METTL15: variants seen among roughly 807,000 people sequenced by gnomAD.
METTL15 encodes the protein methyltransferase 15, mitochondrial 12S rRNA N4-cytidine, also known as 12S rRNA N(4)-cytidine methyltransferase METTL15.
METTL15 carries 34 observed loss-of-function variants against 38.3 expected under a neutral mutation model. The ratio of observed to expected loss-of-function variants is 0.89; its 90% CI spans 0.68 to 1.18. The LOEUF (loss-of-function observed/expected upper bound fraction) is 1.18, where lower values mean the gene tolerates loss of function less well. METTL15 is among the 50% of genes most tolerant of loss of function. METTL15 has a pLI of 0.00. For missense variants in METTL15, 438 were observed against 498.4 expected (o/e 0.88, Z 1.15); for synonymous variants, 162 against 170.9 (o/e 0.95, Z 0.41).
intron 5 of METTL15, among the ~76,000 whole-genome samples, chr11:28,420,393 T>G (rs1341166695): frequency 6.6e-6 from 1 of 152,192 alleles, no homozygotes; most frequent in African/African-American, 2.4e-5. Context: ...TACAGAACAT[T>G]TTATCCAATG....
chr11:28,400,751 G>T (rs1379847402), intron 5 of METTL15, among the ~76,000 whole-genome samples: 1 of 151,926 alleles, frequency 6.6e-6, no homozygotes, highest in Non-Finnish European at 1.5e-5. Context: ...TCAAGGGATT[G>T]AAAATGTTTG....
At chr11:28,301,855 C>T (rs1334390081) in intron 6 of METTL15, among the ~76,000 whole-genome samples, 2 of 152,054 alleles carry the variant, frequency 1.3e-5, no homozygotes, top group Non-Finnish European at 2.9e-5. Context: ...AGCATTTAGC[C>T]TAATGTTTGA....
intron 5 of METTL15, among the ~76,000 whole-genome samples, chr11:28,376,125 GA>G (rs1230207963): frequency 6.6e-6 from 1 of 151,416 alleles, no homozygotes; most frequent in Non-Finnish European, 1.5e-5. Flanking sequence ...GTGTGGTGCT[GA>G]AAAAAATGTA....
At chr11:28,334,117 G>A (rs548623522), downstream of METTL15, among the ~76,000 whole-genome samples, 19 of 151,916 alleles carry the variant, frequency 1.3e-4, no homozygotes, top group South Asian at 1.2e-3. Context: ...GTACTCAAGC[G>A]TATATTAGAA....
chr11:28,235,889 T>C (rs997862101), intron 4 of METTL15, among the ~76,000 whole-genome samples: 2 of 152,118 alleles, frequency 1.3e-5, no homozygotes, highest in African/African-American at 4.8e-5. Context: ...TGTGCCAGTT[T>C]TCAAAGGGAA....
intron 6 of METTL15, among the ~76,000 whole-genome samples, chr11:28,482,492 G>A (rs535708560): frequency 6.6e-6 from 1 of 152,348 alleles, no homozygotes; most frequent in South Asian, 2.1e-4. Context: ...ACTTGGCACA[G>A]AACTGAGTAG....
chr11:28,466,433 G>C (rs138174125), intron 6 of METTL15, among the ~76,000 whole-genome samples: 1 of 152,138 alleles, frequency 6.6e-6, no homozygotes, highest in African/African-American at 2.4e-5. Flanking sequence ...TTGAATATTG[G>C]GGCCCAGCCC....
chr11:28,385,477 C>G lies in METTL15; in HGVS notation c.*358+23441C>G, dbSNP rs932061819. 3.3e-5 allele frequency among the ~76,000 whole-genome samples: 5 copies of G among 151,870 alleles called. No individual in the cohort carries two copies. In the East Asian group the frequency reaches 7.7e-4, roughly 23 times the overall value. On this transcript the variant is annotated intron_variant and NMD_transcript_variant, in intron 5 of 7. Transcript: ENST00000532947. ...AGATATGCAACCTTATTTCTGTGCT[C>G]TTTATTTTGTTCCATTGGCCTATGT...
intron 6 of METTL15, among the ~76,000 whole-genome samples, chr11:28,513,529 C>T (rs906124869): frequency 3.9e-5 from 6 of 152,052 alleles, no homozygotes; most frequent in Non-Finnish European, 7.3e-5. Flanking sequence ...AGACCCTAAC[C>T]CAGAGGTGCT....
intron 4 of METTL15, among the ~76,000 whole-genome samples, chr11:28,279,158 A>C (rs1855954103): frequency 6.6e-6 from 1 of 151,968 alleles, no homozygotes; most frequent in African/African-American, 2.4e-5. Context: ...GTCTTTTTTG[A>C]ATTTTGTATC....
intron 6 of METTL15, among the ~76,000 whole-genome samples, chr11:28,479,213 C>T (rs1037616055): frequency 1.0e-4 from 5 of 50,130 alleles, no homozygotes; most frequent in Admixed American, 3.3e-4. Context: ...TATTGAGTGC[C>T]TACTGTATGT....
intron 6 of METTL15, among the ~76,000 whole-genome samples, chr11:28,306,259 G>A (rs185061075): frequency 6.6e-6 from 1 of 152,190 alleles, no homozygotes; most frequent in East Asian, 1.9e-4. Context: ...GAAAATTAGA[G>A]TGACCTGCTG....
intron 5 of METTL15, among the ~76,000 whole-genome samples, chr11:28,397,431 T>C (rs1349823086): frequency 2.0e-5 from 3 of 152,134 alleles, no homozygotes; most frequent in African/African-American, 7.2e-5. Flanking sequence ...GGGTGAAAGA[T>C]ATGAACAGAT....
chr11:28,207,690 A>G (rs11939317), intron 3 of METTL15, among the ~76,000 whole-genome samples: 11 of 152,104 alleles, frequency 7.2e-5, no homozygotes, highest in East Asian at 3.9e-4. Flanking sequence ...AATGGTACCA[A>G]TTCCTCCTTG....
At chr11:28,217,438 A>G (rs1350495626) in intron 4 of METTL15, among the ~76,000 whole-genome samples, 1 of 151,998 alleles carries the variant, frequency 6.6e-6, no homozygotes, top group Non-Finnish European at 1.5e-5. Context: ...GTTGGAGTTC[A>G]TTGTAGATTC....
intron 6 of METTL15, among the ~76,000 whole-genome samples, chr11:28,441,419 A>G (rs1179681690): frequency 2.0e-5 from 3 of 152,132 alleles, no homozygotes; most frequent in African/African-American, 7.2e-5. Context: ...TCCCAAAGTA[A>G]TTATGTTTGA....
At chr11:28,180,279 A>T (rs554233503) in intron 3 of METTL15, among the ~76,000 whole-genome samples, 3 of 152,014 alleles carry the variant, frequency 2.0e-5, no homozygotes, top group African/African-American at 7.2e-5. Flanking sequence ...GACATTTTAA[A>T]ATGTTTTCTC....
In METTL15 at chr11:28,497,786, C is replaced by T. The variant is rs1206846313; in HGVS notation, c.*425-28692C>T. On this transcript the variant is annotated intron_variant and NMD_transcript_variant, in intron 6 of 7. Transcript: ENST00000532947. ...CTTATAGGGGTATTAAGGCTGGATGCGGTGACTCACACCTGTAATCCCAGC... is the reference window on the plus strand; with the variant it reads ...CTTATAGGGGTATTAAGGCTGGATGTGGTGACTCACACCTGTAATCCCAGC... Among the ~76,000 whole-genome samples, 6 of 152,028 alleles carry T rather than the reference C, an allele frequency of 3.9e-5. No individual in the cohort carries two copies. The East Asian group carries it at 5.8e-4, about 15-fold the overall frequency.
At chr11:28,222,524 G>A (rs939963679) in intron 4 of METTL15, among the ~76,000 whole-genome samples, 1 of 152,156 alleles carries the variant, frequency 6.6e-6, no homozygotes, top group Non-Finnish European at 1.5e-5. Flanking sequence ...GCCTCGCCCT[G>A]CTTTGGCTCA....
Sources: gnomAD v4.1 joint callset for allele counts (sites outside exome capture counted in the v4.1 genomes callset) on GRCh38, gnomAD v4.1.1 for gene constraint, MANE v1.5 for transcripts, NCBI Gene and HGNC (gene_info 2026-07-23, HGNC 2026-07-21) for gene names.